The following PRKG1 variants were observed in gnomAD, a reference collection of about 807,000 sequenced individuals.
The protein encoded by PRKG1 is cGMP-dependent protein kinase 1.
A neutral mutation model predicts 88.1 loss-of-function variants in PRKG1; 35 were observed. The observed-to-expected ratio is 0.40, with a 90% CI of 0.30 to 0.53. The LOEUF (loss-of-function observed/expected upper bound fraction) is 0.53. PRKG1 is among the 20% of genes least tolerant of loss of function. The pLI is 0.59. For synonymous variants in PRKG1, 303 were observed against 292.5 expected (o/e 1.04, Z -0.37); for missense variants, 540 against 839.8 (o/e 0.64, Z 4.41).
At chr10:51,428,610 T>G (rs1021562907) in intron 2 of PRKG1, among the ~76,000 whole-genome samples, 16 of 152,222 alleles carry the variant, frequency 1.1e-4, no homozygotes, top group African/African-American at 3.9e-4. Context: ...AAGGGCACTA[T>G]GAGTCTATAG....
intron 2 of PRKG1, among the ~76,000 whole-genome samples, chr10:51,445,587 T>G (rs1468706467): frequency 2.0e-5 from 3 of 151,952 alleles, no homozygotes; most frequent in Admixed American, 1.3e-4. Flanking sequence ...GGACACCTCA[T>G]CAAGTAGTTA....
At chr10:51,528,744 A>G (rs1345974581) in intron 3 of PRKG1, among the ~76,000 whole-genome samples, 2 of 152,120 alleles carry the variant, frequency 1.3e-5, no homozygotes, top group Non-Finnish European at 2.9e-5. Context: ...TTACTGCATT[A>G]ACCATGCAGA....
chr10:51,853,622 C>T (rs1564676000), intron 4 of PRKG1, among the ~76,000 whole-genome samples: 1 of 152,132 alleles, frequency 6.6e-6, no homozygotes, highest in Non-Finnish European at 1.5e-5. Context: ...GCAGTAGTAG[C>T]TTAAGTATGT....
intron 5 of PRKG1, among the ~76,000 whole-genome samples, chr10:52,014,740 G>A (rs1157957246): frequency 6.6e-6 from 1 of 152,192 alleles, no homozygotes; most frequent in Non-Finnish European, 1.5e-5. Flanking sequence ...GGGGGTACAG[G>A]CATTGGATAA....
chr10:51,023,420 A>G (rs1332556489), intron 1 of PRKG1, among the ~76,000 whole-genome samples: 1 of 152,180 alleles, frequency 6.6e-6, no homozygotes, highest in African/African-American at 2.4e-5. Flanking sequence ...TTCACAGTGA[A>G]CTGTCCAGTG....
intron 5 of PRKG1, among the ~76,000 whole-genome samples, chr10:52,007,026 A>T (rs1354179526): frequency 1.3e-5 from 2 of 152,196 alleles, no homozygotes; most frequent in Non-Finnish European, 2.9e-5. Context: ...CAACCAAACT[A>T]AACTTCATAA....
At chr10:51,718,238 G>T (rs967732552) in intron 3 of PRKG1, among the ~76,000 whole-genome samples, 2 of 152,190 alleles carry the variant, frequency 1.3e-5, no homozygotes, top group Non-Finnish European at 2.9e-5. Context: ...TCTCTGAAAA[G>T]GTCGCTTCTA....
At chr10:51,584,089 A>T (rs932915580) in intron 3 of PRKG1, among the ~76,000 whole-genome samples, 4 of 152,078 alleles carry the variant, frequency 2.6e-5, no homozygotes, top group African/African-American at 9.7e-5. Context: ...AACATTTCCC[A>T]GGTATTTTTG....
At chr10:51,110,350 G>A (rs1014325863) in intron 1 of PRKG1, among the ~76,000 whole-genome samples, 4 of 152,092 alleles carry the variant, frequency 2.6e-5, no homozygotes, top group Non-Finnish European at 5.9e-5. Context: ...ATGCACACAT[G>A]AAATACTACT....
intron 3 of PRKG1, among the ~76,000 whole-genome samples, chr10:51,486,326 G>T (rs560846824): frequency 1.6e-4 from 25 of 151,918 alleles, no homozygotes; most frequent in African/African-American, 5.8e-4. Flanking sequence ...CATATAAGTT[G>T]TATCTTGTAA....
Position 51,025,687 on chromosome 10 carries a change from C to G in PRKG1, c.266+34043C>G, listed in dbSNP as rs1444988778. On this transcript the variant is annotated intron_variant, in intron 1 of 17. Transcript: ENST00000401604. ...CAAGTAGATCTCGATGCAGCCACCT[C>G]TACTCTGTCGTCAGGCTGAAACTGT... 1.3e-4 allele frequency among the ~76,000 whole-genome samples: 20 copies of G among 152,136 alleles called. 1 individual carries two copies. The highest frequency in any genetic ancestry group is 1.3e-3 in the Admixed American group (20 of 15,266).
intron 1 of PRKG1, among the ~76,000 whole-genome samples, chr10:51,105,426 A>G (rs944120653): frequency 1.3e-5 from 2 of 152,180 alleles, no homozygotes; most frequent in African/African-American, 2.4e-5. Context: ...AGGGAGATAA[A>G]AGGTGTGGGA....
chr10:51,255,311 A>G (rs1187712625), intron 2 of PRKG1, among the ~76,000 whole-genome samples: 2 of 152,260 alleles, frequency 1.3e-5, no homozygotes, highest in South Asian at 2.1e-4. Flanking sequence ...TCTTTGTAGT[A>G]AAAGAAATCA....
intron 8 of PRKG1, among the ~76,000 whole-genome samples, chr10:52,144,656 C>T (rs905733670): frequency 1.3e-5 from 2 of 151,974 alleles, no homozygotes; most frequent in Non-Finnish European, 2.9e-5. Context: ...ACCAAAAATA[C>T]AAAAATTAGC....
At chr10:50,995,374 A>G (rs1842827434) in intron 1 of PRKG1, among the ~76,000 whole-genome samples, 1 of 152,186 alleles carries the variant, frequency 6.6e-6, no homozygotes, top group Admixed American at 6.5e-5. Context: ...AGCTCTCAGC[A>G]TAAGTATCAA....
intron 2 of PRKG1, among the ~76,000 whole-genome samples, chr10:51,411,503 G>A (rs557073298): frequency 2.6e-5 from 4 of 152,160 alleles, no homozygotes; most frequent in Admixed American, 6.5e-5. Context: ...GCATCTGCCC[G>A]TGTGTGGGAG....
chr10:51,040,000 C>A (rs1843399391), intron 1 of PRKG1, among the ~76,000 whole-genome samples: 1 of 152,076 alleles, frequency 6.6e-6, no homozygotes, highest in Admixed American at 6.6e-5. Flanking sequence ...AATTTGAAGT[C>A]TGGTAATGTT....
At chr10:51,121,605 A>AT (rs1211603511) in intron 1 of PRKG1, among the ~76,000 whole-genome samples, 1 of 152,170 alleles carries the variant, frequency 6.6e-6, no homozygotes, top group East Asian at 1.9e-4. Flanking sequence ...CTTTTCCCTA[A>AT]TTTTTATAAA....
intron 2 of PRKG1, among the ~76,000 whole-genome samples, chr10:51,358,118 T>C (rs762639827): frequency 2.0e-5 from 3 of 151,576 alleles, no homozygotes; most frequent in Non-Finnish European, 4.4e-5. Context: ...GAGGGGGTCA[T>C]GAGATTGTAG....
Sources: gnomAD v4.1 joint callset for allele counts (sites outside exome capture counted in the v4.1 genomes callset) on GRCh38, gnomAD v4.1.1 for gene constraint, MANE v1.5 for transcripts, NCBI Gene and HGNC (gene_info 2026-07-23, HGNC 2026-07-21) for gene names.